The following ADGRF3 variants were observed in gnomAD, a reference collection of about 807,000 sequenced individuals.
The protein encoded by ADGRF3 is adhesion G protein-coupled receptor F3.
A neutral mutation model predicts 93.2 loss-of-function variants in ADGRF3; 85 were observed. The ratio of observed to expected loss-of-function variants is 0.91; its 90% CI spans 0.77 to 1.09. The LOEUF (loss-of-function observed/expected upper bound fraction) is 1.09, where lower values mean the gene tolerates loss of function less well. Ranked by LOEUF, ADGRF3 falls within the 50% of genes least tolerant of loss-of-function variation. ADGRF3 has a pLI of 0.00. For missense variants in ADGRF3, 1,125 were observed against 1,246.2 expected (o/e 0.90, Z 1.46); for synonymous variants, 534 against 532.5 (o/e 1.00, Z -0.04).
In ADGRF3 at chr2:26,311,804, G is replaced by A. The variant is rs752175308; in HGVS notation, c.1720C>T (p.Leu574=). 1.2e-5 allele frequency: 19 copies of A among 1,613,920 alleles called. No individual in the cohort carries two copies. The South Asian group carries it at 1.9e-4, about 16-fold the overall frequency. The change falls in exon 10 of 14, where the codon CTG becomes TTG. Residue 574 remains leucine, a synonymous_variant. Coordinates refer to ENST00000651242, the MANE Select transcript of ADGRF3 (RefSeq NM_001321971.2). Reference sequence around the variant, plus strand: ...GTTCCATTACGGACCAATGGGGCCAGTGAGTGCCTGGGAATCTGAGCCTGC... The same window carrying A: ...GTTCCATTACGGACCAATGGGGCCAATGAGTGCCTGGGAATCTGAGCCTGC... ...PLQAQIPRHS[L]APLVRNGTEI... is the part of the protein sequence containing the mutation.
chr2:26,330,310 TC>T (rs751278602), intron 1 of ADGRF3, among the ~76,000 whole-genome samples: 1 of 152,178 alleles, frequency 6.6e-6, no homozygotes, highest in Non-Finnish European at 1.5e-5. Context: ...TGGGAAGTGA[TC>T]CCAGGAGCTC....
chr2:26,336,880 T>A (rs1676084942), intron 1 of ADGRF3, among the ~76,000 whole-genome samples: 1 of 152,066 alleles, frequency 6.6e-6, no homozygotes, highest in African/African-American at 2.4e-5. Context: ...AACCTGGCAG[T>A]AGCCATTTCA....
intron 1 of ADGRF3, among the ~76,000 whole-genome samples, chr2:26,329,548 G>T (rs1675647106): frequency 1.3e-5 from 2 of 152,208 alleles, no homozygotes; most frequent in African/African-American, 4.8e-5. Context: ...CAGAAGAAAT[G>T]CAGATCTGCT....
rs1388882181 is a variant in ADGRF3, at chr2:26,312,984, C to T, written c.1408G>A (p.Val470Met). The T allele has an allele frequency of 6.2e-7, 1 of 1,613,830 alleles. No homozygotes were observed. The highest frequency in any genetic ancestry group is 1.3e-5 in the African/African-American group (1 of 75,052). ...TCAAGCTGTATTCTGGCCTCTGCCA[C>T]CACCTTGGCCACGTATTTCATGGTG... ...LSTMKYVAKV[V>M]AEARIQLDRR... The change falls in exon 9 of 14, where the codon GTG (valine) becomes ATG (methionine). Residue 470 changes from valine (V) to methionine (M), a missense_variant. Val to Met is a conservative substitution (Grantham distance 21). Transcript: ENST00000651242.
In ADGRF3 at chr2:26,313,509, G is replaced by T. The variant is rs372322637; in HGVS notation, c.1137C>A (p.His379Gln). ...VLTWNVTKAGHVAQAPCPESK... is the reference protein window; with the variant it reads ...VLTWNVTKAGQVAQAPCPESK... ...TCTCAGGACATGGGGCCTGTGCCAC[G>T]TGGCCAGCCTTGGTGACATTCCAGG... Residue 379 changes from histidine (H) to glutamine (Q), a missense_variant, in exon 8 of 14, where the codon CAC becomes CAA. By Grantham distance (24) the His-to-Gln change is conservative (BLOSUM62 0). Coordinates refer to ENST00000651242, the MANE Select transcript of ADGRF3 (RefSeq NM_001321971.2). The T allele has an allele frequency of 6.2e-7, 1 of 1,611,836 alleles. No individual in the cohort carries two copies. The highest frequency in any genetic ancestry group is 8.5e-7 in the Non-Finnish European group (1 of 1,179,276).
At chr2:26,336,147 G>A (rs1035135569) in intron 1 of ADGRF3, among the ~76,000 whole-genome samples, 4 of 152,156 alleles carry the variant, frequency 2.6e-5, no homozygotes, top group Non-Finnish European at 4.4e-5. Flanking sequence ...GCTGGAAGTA[G>A]GTTGCCAACT....
At chr2:26,327,430 GCTTT>G (rs1675493571) in intron 1 of ADGRF3, among the ~76,000 whole-genome samples, 1 of 152,140 alleles carries the variant, frequency 6.6e-6, no homozygotes, top group African/African-American at 2.4e-5. Context: ...GGATAGAGCA[GCTTT>G]CTGTTACTTG....
chr2:26,310,083 C>A lies in ADGRF3; in HGVS notation c.2897G>T (p.Arg966Leu), dbSNP rs752261145. The change falls in exon 12 of 14, where the codon CGC becomes CTC. Residue 966 changes from arginine (R) to leucine (L), a missense_variant. Physicochemically the swap from Arg to Leu is moderately radical, Grantham distance 102. Coordinates refer to ENST00000651242, the MANE Select transcript of ADGRF3 (RefSeq NM_001321971.2). Reference protein sequence around the residue: ...DRKIQEALRKRFCRAQAPSST... With the variant: ...DRKIQEALRKLFCRAQAPSST... The stretch of plus-strand genomic sequence containing the variant: ...GCTGGGGGCTTGGGCGCGGCAGAAG[C>A]GTTTGCGCAAAGCTTCTTGTATCTG... 2.5e-6 allele frequency: 4 copies of A among 1,614,030 alleles called. No individual in the cohort carries two copies. Among genetic ancestry groups the A allele is most frequent in the Non-Finnish European group, 2.5e-6 (3 of 1,179,892 alleles).
chr2:26,346,057 G>A, intron 1 of ADGRF3, 64 bp downstream of exon 1: 1 of 1,489,594 alleles, frequency 6.7e-7, no homozygotes, highest in South Asian at 1.2e-5. Context: ...CTTGCGCACT[G>A]AGAGGCGGCC....
chr2:26,309,589 G>T lies in ADGRF3; in HGVS notation c.2938-8C>A. The T allele has an allele frequency of 6.2e-7, 1 of 1,611,856 alleles. No homozygotes were observed. Among genetic ancestry groups the T allele is most frequent in the Non-Finnish European group, 8.5e-7 (1 of 1,179,292 alleles). ...GCAGCCTTCATTTGTGGCCTAGGAA[G>T]GGGTGGGAAGGCCCAATTGCAGGGC... On this transcript the variant is annotated splice_polypyrimidine_tract_variant and splice_region_variant and intron_variant, in intron 12 of 13. Coordinates refer to ENST00000651242, the MANE Select transcript of ADGRF3 (RefSeq NM_001321971.2).
At chr2:26,319,083 G>GCAAATTTC in intron 1 of ADGRF3, 1 of 1,529,818 alleles carries the variant, frequency 6.5e-7, no homozygotes, top group South Asian at 1.2e-5. Flanking sequence ...AGCCCACGAT[G>GCAAATTTC]CAAATTTCCG....
rs199902400 is a variant in ADGRF3, at chr2:26,309,574, T to C, written c.2945A>G (p.Asn982Ser). ...APSSTISLAT[N>S]EGCILEHSKG... ...GCTGTGTTCCAAGATGCAGCCTTCA[T>C]TTGTGGCCTAGGAAGGGGTGGGAAG... Residue 982 changes from asparagine to serine, a missense_variant, in exon 13 of 14, where the codon AAT becomes AGT. Coordinates refer to ENST00000651242, the MANE Select transcript of ADGRF3 (RefSeq NM_001321971.2). 1.4e-4 allele frequency: 220 copies of C among 1,612,644 alleles called. 1 individual carries two copies. In the East Asian group the frequency reaches 4.3e-3, roughly 32 times the overall value.
intron 1 of ADGRF3, among the ~76,000 whole-genome samples, chr2:26,325,010 C>CAAA (rs1675365158): frequency 6.6e-6 from 1 of 152,138 alleles, no homozygotes; most frequent in African/African-American, 2.4e-5. Flanking sequence ...TAGTAACAGC[C>CAAA]ATTCTGACTG....
chr2:26,314,679 GA>G, intron 5 of ADGRF3, 56 bp from the exon 6 acceptor site: 1 of 1,469,564 alleles, frequency 6.8e-7, no homozygotes, highest in South Asian at 1.2e-5. Flanking sequence ...CTGCACCACA[GA>G]ATCTCTGCTG....
chr2:26,346,312 C>G lies in ADGRF3; in HGVS notation c.-78G>C. The G allele has an allele frequency of 1.2e-6, 2 of 1,600,720 alleles. No individual in the cohort carries two copies. The highest frequency in any genetic ancestry group is 1.7e-6 in the Non-Finnish European group (2 of 1,172,076). On this transcript the variant is annotated 5_prime_UTR_variant, in exon 1 of 14. Coordinates refer to ENST00000651242, the MANE Select transcript of ADGRF3 (RefSeq NM_001321971.2). ...AAGGTACCGCGGGCCGGCGGATGCC[C>G]CTCTCCCTGCTCCCGGCCTCGCCCA...
At chr2:26,333,208 A>G (rs1000163151) in intron 1 of ADGRF3, among the ~76,000 whole-genome samples, 1 of 151,964 alleles carries the variant, frequency 6.6e-6, no homozygotes. Context: ...TATGAGCAAG[A>G]TTCTTTCCAG....
Position 26,346,207 on chromosome 2 carries a change from A to G in ADGRF3, c.28T>C (p.Ser10Pro). MTTRKLSAH[S>P]AATPGYKAVT... ...GCCTTGTAGCCGGGAGTCGCTGCCG[A>G]GTGGGCGCTCAGTTTTCGGGTCGTC... The change falls in exon 1 of 14, where the codon TCG becomes CCG. Residue 10 changes from serine (S) to proline (P), a missense_variant. Coordinates refer to ENST00000651242, the MANE Select transcript of ADGRF3 (RefSeq NM_001321971.2). The G allele has an allele frequency of 6.2e-7, 1 of 1,613,488 alleles. No homozygotes were observed. The highest frequency in any genetic ancestry group is 8.5e-7 in the Non-Finnish European group (1 of 1,179,660).
intron 1 of ADGRF3, among the ~76,000 whole-genome samples, chr2:26,338,165 C>T (rs1027358445): frequency 3.9e-5 from 6 of 152,136 alleles, no homozygotes; most frequent in African/African-American, 1.2e-4. Flanking sequence ...ATATTCCACA[C>T]CTTCACAGTG....
At chr2:26,314,730 AC>A in intron 5 of ADGRF3, 107 bp from the exon 6 acceptor site, 1 of 1,032,704 alleles carries the variant, frequency 9.7e-7, no homozygotes, top group Non-Finnish European at 1.4e-6. Flanking sequence ...TCTGCCTGCC[AC>A]CCAGTGCTTA....
Sources: gnomAD v4.1 joint callset for allele counts (sites outside exome capture counted in the v4.1 genomes callset) on GRCh38, gnomAD v4.1.1 for gene constraint, MANE v1.5 for transcripts, NCBI Gene and HGNC (gene_info 2026-07-23, HGNC 2026-07-21) for gene names.